Variants in THSD7A observed in about 807,000 individuals in gnomAD.
THSD7A encodes the protein thrombospondin type 1 domain containing 7A, also known as thrombospondin type-1 domain-containing protein 7A.
A neutral mutation model predicts 231.3 loss-of-function variants in THSD7A; 96 were observed. That is an observed-to-expected ratio of 0.41 (90% CI 0.35 to 0.49). The LOEUF is 0.49. Among genes scored for constraint, THSD7A ranks in the 20% least tolerant of loss-of-function variants. The probability of loss-of-function intolerance (pLI) is 0.05; values close to 1 mark genes in which losing one functional copy is unlikely to be tolerated. For missense variants in THSD7A, 2,290 were observed against 2,070.2 expected (o/e 1.11, Z -2.06); for synonymous variants, 940 against 743.3 (o/e 1.26, Z -4.30).
chr7:11,421,528 A>G (rs1342384769), intron 16 of THSD7A, among the ~76,000 whole-genome samples: 1 of 152,216 alleles, frequency 6.6e-6, no homozygotes, highest in Non-Finnish European at 1.5e-5. Flanking sequence ...TAGCACTATG[A>G]GAAAAGATTA....
chr7:11,662,104 T>C (rs1782950762), intron 1 of THSD7A, among the ~76,000 whole-genome samples: 1 of 151,236 alleles, frequency 6.6e-6, no homozygotes, highest in Admixed American at 6.6e-5. Flanking sequence ...TAATAACATG[T>C]ATATTGAAAC....
At chr7:11,740,751 T>C (rs960699714) in intron 1 of THSD7A, among the ~76,000 whole-genome samples, 1 of 151,960 alleles carries the variant, frequency 6.6e-6, no homozygotes, top group African/African-American at 2.4e-5. Flanking sequence ...CTATAATATG[T>C]CAGTACCAGA....
intron 1 of THSD7A, among the ~76,000 whole-genome samples, chr7:11,733,823 C>T (rs1781816674): frequency 1.3e-5 from 2 of 151,820 alleles, no homozygotes; most frequent in African/African-American, 4.8e-5. Context: ...AGTTGATATA[C>T]AAAGATATTT....
chr7:11,459,921 G>C (rs529881981), intron 11 of THSD7A, among the ~76,000 whole-genome samples: 3 of 151,890 alleles, frequency 2.0e-5, no homozygotes, highest in African/African-American at 7.3e-5. Flanking sequence ...TTTTAAATAC[G>C]CAGCAGGAGC....
intron 1 of THSD7A, among the ~76,000 whole-genome samples, chr7:11,738,082 T>A (rs562442227): frequency 6.6e-6 from 1 of 152,092 alleles, no homozygotes; most frequent in South Asian, 2.1e-4. Context: ...ATCTTTTCTG[T>A]TGGAATCTAA....
At chr7:11,459,553 CAAATA>C (rs952286774) in intron 11 of THSD7A, among the ~76,000 whole-genome samples, 15 of 149,922 alleles carry the variant, frequency 1.0e-4, no homozygotes, top group Non-Finnish European at 2.1e-4. Flanking sequence ...GAGAATTATG[CAAATA>C]AAATAAAATC....
intron 4 of THSD7A, among the ~76,000 whole-genome samples, chr7:11,561,580 A>G (rs1226153329): frequency 6.6e-6 from 1 of 152,210 alleles, no homozygotes; most frequent in African/African-American, 2.4e-5. Context: ...TTAAGAATTA[A>G]GAAACTGAGG....
At position 11,636,899 on chromosome 7, in the gene THSD7A, A is replaced by G. The variant is rs1267582085; in HGVS notation, c.253T>C (p.Trp85Arg). Residue 85 changes from tryptophan (W) to arginine (R), a missense_variant, in exon 2 of 28, where the codon TGG (tryptophan) becomes CGG (arginine). Coordinates refer to ENST00000423059, the MANE Select transcript of THSD7A (RefSeq NM_015204.3). The surrounding 1 kb of genome is among the most constrained non-coding windows in gnomAD (Gnocchi z 10.0). ...GPGGIQTRAVWCAHVEGWTTL... is the reference protein window; with the variant it reads ...GPGGIQTRAVRCAHVEGWTTL... ...GTCCATCCCTCCACATGAGCACACC[A>G]CACAGCCCTCGTTTGGATGCCTCCG... 2 of 1,613,754 alleles carry G rather than the reference A, an allele frequency of 1.2e-6. No individual in the cohort carries two copies. The highest frequency in any genetic ancestry group is 8.5e-7 in the Non-Finnish European group (1 of 1,179,880).
chr7:11,680,547 A>G (rs1783829094), intron 1 of THSD7A, among the ~76,000 whole-genome samples: 2 of 152,208 alleles, frequency 1.3e-5, no homozygotes, highest in Admixed American at 1.3e-4. Flanking sequence ...AAATGATATG[A>G]ACAGACACTT....
At chr7:11,678,526 TC>T (rs1181405571) in intron 1 of THSD7A, among the ~76,000 whole-genome samples, 1 of 151,976 alleles carries the variant, frequency 6.6e-6, no homozygotes, top group Non-Finnish European at 1.5e-5. Flanking sequence ...TCACCACTGA[TC>T]CCACAGAAAT....
At chr7:11,797,443 G>T (rs1359946586) in intron 1 of THSD7A, among the ~76,000 whole-genome samples, 4 of 131,468 alleles carry the variant, frequency 3.0e-5, no homozygotes, top group Admixed American at 8.2e-5. Context: ...TTCAGACAGG[G>T]TCGTGTTCTG....
intron 6 of THSD7A, among the ~76,000 whole-genome samples, chr7:11,487,846 C>A (rs1786724986): frequency 6.6e-6 from 1 of 152,138 alleles, no homozygotes; most frequent in African/African-American, 2.4e-5. Context: ...GGGATTATTA[C>A]AATTCAAGGT....
chr7:11,543,060 A>T lies in THSD7A; in HGVS notation c.1511T>A (p.Leu504Gln). 2.5e-6 allele frequency: 4 copies of T among 1,613,906 alleles called. No homozygotes were observed. The highest frequency in any genetic ancestry group is 3.4e-6 in the Non-Finnish European group (4 of 1,179,794). Residue 504 changes from leucine (L) to glutamine (Q), a missense_variant, in exon 5 of 28, where the codon CTG becomes CAG. Leu to Gln is a moderately radical substitution (Grantham distance 113). Coordinates refer to ENST00000423059, the MANE Select transcript of THSD7A (RefSeq NM_015204.3). ...TTCAGTTGGACAAGGAATGTGGCAC[A>T]GCTGTGTAGTATTAGGGATAGGTCC... ...CTGPIPNTTQ[L>Q]CHIPCPTECE... is the part of the protein sequence containing the mutation.
At chr7:11,714,303 G>C (rs1340731560) in intron 1 of THSD7A, among the ~76,000 whole-genome samples, 2 of 151,344 alleles carry the variant, frequency 1.3e-5, no homozygotes, top group South Asian at 2.1e-4. Context: ...TTAACCCTAT[G>C]ACATGTGTAT....
At chr7:11,574,724 C>A (rs72) in intron 4 of THSD7A, among the ~76,000 whole-genome samples, 27,784 of 151,986 alleles carry the variant, frequency 0.18, 3,009 homozygotes, top group Admixed American at 0.35. Context: ...GCGTGAGCCA[C>A]CGCGCCCGGC....
At chr7:11,410,710 C>G (rs1783754443) in intron 19 of THSD7A, among the ~76,000 whole-genome samples, 1 of 152,020 alleles carries the variant, frequency 6.6e-6, no homozygotes, top group South Asian at 2.1e-4. Context: ...TGACTTCATT[C>G]CTCTGTTTGA....
At chr7:11,651,159 T>C (rs1178207935) in intron 1 of THSD7A, among the ~76,000 whole-genome samples, 1 of 152,074 alleles carries the variant, frequency 6.6e-6, no homozygotes, top group Admixed American at 6.6e-5. Context: ...GGAAAGATTA[T>C]GCTAAGTGAC....
chr7:11,736,612 T>G (rs1191220517), intron 1 of THSD7A, among the ~76,000 whole-genome samples: 1 of 152,080 alleles, frequency 6.6e-6, no homozygotes, highest in Non-Finnish European at 1.5e-5. Context: ...GTTTTTATCT[T>G]TTCTGTACCC....
chr7:11,469,335 G>C (rs1017198743), intron 9 of THSD7A, among the ~76,000 whole-genome samples: 1 of 152,096 alleles, frequency 6.6e-6, no homozygotes, highest in Non-Finnish European at 1.5e-5. Flanking sequence ...ACGAGTCTTT[G>C]TCTGTAAGTA....
Sources: allele counts gnomAD v4.1 joint callset (sites outside exome capture counted in the v4.1 genomes callset), GRCh38; gene constraint gnomAD v4.1.1; non-coding constraint Gnocchi (gnomAD v3.1); transcripts MANE v1.5; gene names NCBI Gene and HGNC (gene_info 2026-07-23, HGNC 2026-07-21).